DPP10: variants seen among roughly 807,000 people sequenced by gnomAD.
DPP10 encodes the protein dipeptidyl peptidase like 10.
Under a neutral mutation model 120.9 loss-of-function variants are expected in DPP10, and 33 were observed. That is an observed-to-expected ratio of 0.27 (90% confidence interval 0.21 to 0.37). The LOEUF (loss-of-function observed/expected upper bound fraction) is 0.37. DPP10 is among the 10% of genes least tolerant of loss of function. DPP10 has a pLI of 1.00. For synonymous variants in DPP10, 337 were observed against 326.1 expected, an observed-to-expected ratio of 1.03 and a Z score of -0.36; for missense variants, 816 against 942.8, an observed-to-expected ratio of 0.87 and a Z score of 1.76.
chr2:115,133,183 T>G (rs1447230578), intron 1 of DPP10, among the ~76,000 whole-genome samples: 8 of 100,788 alleles, frequency 7.9e-5, no homozygotes, highest in African/African-American at 2.1e-4. Context: ...ATATAGTTTT[T>G]TTTTTTTTTT....
intron 1 of DPP10, among the ~76,000 whole-genome samples, chr2:115,127,127 A>G (rs2050120266): frequency 1.3e-5 from 2 of 152,156 alleles, no homozygotes; most frequent in African/African-American, 2.4e-5. Context: ...ACAGTAATAT[A>G]CCCTAACTGT....
At chr2:115,169,585 T>TA (rs2053161754) in intron 1 of DPP10, among the ~76,000 whole-genome samples, 2 of 152,288 alleles carry the variant, frequency 1.3e-5, no homozygotes, top group South Asian at 4.1e-4. Flanking sequence ...ACAAAAGACT[T>TA]AGAGTCTTGT....
intron 1 of DPP10, among the ~76,000 whole-genome samples, chr2:114,606,524 T>C (rs764905995): frequency 5.3e-5 from 8 of 152,154 alleles, no homozygotes; most frequent in Admixed American, 1.3e-4. Context: ...AATGTATTCC[T>C]TCTTATAGAG....
rs555025526 is a variant in DPP10, at chr2:115,662,398, T to C, written c.442-27289T>C. The stretch of plus-strand genomic sequence containing the variant: ...AATGTGCCAAGAATCAAGGTTGTTG[T>C]ATCATAAGATAGCTCTATTTTTATT... On this transcript the variant is annotated intron_variant, in intron 5 of 25. Coordinates refer to ENST00000410059, the MANE Select transcript of DPP10 (RefSeq NM_020868.6). Among the ~76,000 whole-genome samples the C allele has an allele frequency of 1.5e-3, 227 of 151,876 alleles. 1 individual carries two copies. The highest frequency in any genetic ancestry group is 3.1e-3 in the South Asian group (15 of 4,822).
At chr2:114,563,763 G>T (rs1326667341) in intron 1 of DPP10, among the ~76,000 whole-genome samples, 1 of 152,148 alleles carries the variant, frequency 6.6e-6, no homozygotes, top group African/African-American at 2.4e-5. Flanking sequence ...CAGGAGGCCA[G>T]AAGCTAAACA....
chr2:115,562,842 C>T, intron 5 of DPP10, among the ~76,000 whole-genome samples: 1 of 152,152 alleles, frequency 6.6e-6, no homozygotes, highest in East Asian at 1.9e-4. Context: ...TTCTGATCTC[C>T]ATAGCCAAGG....
chr2:115,064,439 G>A, intron 1 of DPP10: 1 of 207,942 alleles, frequency 4.8e-6, no homozygotes, highest in Non-Finnish European at 1.0e-5. Context: ...TCCCCCAGAA[G>A]CTATATGACT....
chr2:115,832,380 C>T lies in DPP10; in HGVS notation c.1951-3777C>T, dbSNP rs1575933670. On this transcript the variant is annotated intron_variant, in intron 21 of 25. Transcript: ENST00000410059. ...TGGCACGCACCTGTGGTCCCAGCTA[C>T]TCAGGAGGCGGAAGTGGGAGGTCTG... Among the ~76,000 whole-genome samples, 8 of 152,278 alleles carry T rather than the reference C, an allele frequency of 5.3e-5. No homozygotes were observed. In the South Asian group the frequency reaches 1.7e-3, roughly 32 times the overall value.
chr2:114,808,927 C>G (rs1322355834), intron 1 of DPP10, among the ~76,000 whole-genome samples: 1 of 152,052 alleles, frequency 6.6e-6, no homozygotes, highest in Non-Finnish European at 1.5e-5. Context: ...ATAAAATTAT[C>G]TTTTTTATAT....
At chr2:114,856,663 G>T (rs1689395641) in intron 1 of DPP10, among the ~76,000 whole-genome samples, 1 of 152,114 alleles carries the variant, frequency 6.6e-6, no homozygotes, top group Admixed American at 6.5e-5. Context: ...CACATTTGTA[G>T]AAATTTCAAA....
chr2:115,344,480 G>A (rs2063613040), intron 3 of DPP10, among the ~76,000 whole-genome samples: 1 of 151,978 alleles, frequency 6.6e-6, no homozygotes, highest in Non-Finnish European at 1.5e-5. Context: ...ATTCTCTGTG[G>A]CTTTTCTTTT....
chr2:115,167,177 G>A (rs192960890), intron 1 of DPP10, among the ~76,000 whole-genome samples: 127 of 151,564 alleles, frequency 8.4e-4, no homozygotes, highest in African/African-American at 2.8e-3. Context: ...GAAATAATAT[G>A]TAGGAGTTTT....
intron 1 of DPP10, among the ~76,000 whole-genome samples, chr2:115,187,752 A>G (rs1485190378): frequency 1.3e-5 from 2 of 152,134 alleles, no homozygotes; most frequent in Non-Finnish European, 2.9e-5. Flanking sequence ...CTGTCATCCC[A>G]CCACTTTGGG....
intron 1 of DPP10, among the ~76,000 whole-genome samples, chr2:115,262,600 A>C (rs1263876653): frequency 6.6e-6 from 1 of 152,154 alleles, no homozygotes; most frequent in African/African-American, 2.4e-5. Context: ...TTGGTCAATA[A>C]TTGATATAAA....
rs145063418 is a variant in DPP10 at position 114,835,446 on chromosome 2, T to C, written c.60+392608T>C. ...AGACATATCTACACACCTATGTATA[T>C]ATAAGACATATACCCACAGCGATTT... On this transcript the variant is annotated intron_variant, in intron 1 of 25. Transcript: ENST00000410059. The C allele has an allele frequency of 3.1e-3, 469 of 152,284 alleles. 5 individuals carry two copies. Among genetic ancestry groups the C allele is most frequent in the African/African-American group, 0.011 (446 of 41,546 alleles). The allele number at this position is 152,284 out of a possible 1,614,324, so 9.4% of individuals were successfully genotyped here. A position where few individuals can be genotyped will look rare whatever the true frequency, so the allele number is the denominator to read the frequency against.
At chr2:115,710,718 A>G (rs2092289262) in intron 7 of DPP10, among the ~76,000 whole-genome samples, 1 of 152,096 alleles carries the variant, frequency 6.6e-6, no homozygotes, top group South Asian at 2.1e-4. Flanking sequence ...AGCTTTTAAA[A>G]TTTGAGGTTA....
intron 1 of DPP10, among the ~76,000 whole-genome samples, chr2:114,965,138 TC>T (rs1698911472): frequency 6.6e-6 from 1 of 151,926 alleles, no homozygotes; most frequent in African/African-American, 2.4e-5. Context: ...TTTCTTTCTT[TC>T]TTTCTTTCTT....
At chr2:115,736,335 A>G (rs148510454) in intron 8 of DPP10, among the ~76,000 whole-genome samples, 169 of 152,296 alleles carry the variant, frequency 1.1e-3, no homozygotes, top group Non-Finnish European at 1.9e-3. Flanking sequence ...ATTGCTAAAC[A>G]AATAGTGCCA....
intron 1 of DPP10, among the ~76,000 whole-genome samples, chr2:114,524,263 C>T (rs993090806): frequency 2.6e-4 from 40 of 152,094 alleles, no homozygotes; most frequent in African/African-American, 9.2e-4. Context: ...GTCAGGGAGG[C>T]CAGTGAGGGC....
Sources: allele counts gnomAD v4.1 joint callset (sites outside exome capture counted in the v4.1 genomes callset), GRCh38; gene constraint gnomAD v4.1.1; transcripts MANE v1.5; gene names NCBI Gene and HGNC (gene_info 2026-07-23, HGNC 2026-07-21).